The following OVOL2 variants were observed in gnomAD, a reference collection of about 807,000 sequenced individuals.
OVOL2 encodes the protein ovo like zinc finger 2, also known as transcription factor Ovo-like 2.
In OVOL2, 13 loss-of-function variants were observed where a neutral mutation model predicts 18.1. The observed-to-expected ratio is 0.72, with a 90% CI of 0.47 to 1.14. The LOEUF (loss-of-function observed/expected upper bound fraction) is 1.14, where lower values mean the gene tolerates loss of function less well. Among genes scored for constraint, OVOL2 ranks in the 50% most tolerant of loss-of-function variants. OVOL2 has a pLI of 0.00. For synonymous variants in OVOL2, 166 were observed against 162.7 expected, an observed-to-expected ratio of 1.02 and a Z score of -0.16; for missense variants, 335 against 383.0, an observed-to-expected ratio of 0.87 and a Z score of 1.05.
chr20:18,027,752 C>G (rs918864102), intron 3 of OVOL2, among the ~76,000 whole-genome samples: 1 of 151,694 alleles, frequency 6.6e-6, no homozygotes, highest in Admixed American at 6.6e-5. Context: ...CTCACCACCA[C>G]GCCCAGCTAA....
intron 2 of OVOL2, among the ~76,000 whole-genome samples, chr20:18,050,934 C>A (rs1429890826): frequency 6.6e-6 from 1 of 152,086 alleles, no homozygotes; most frequent in Non-Finnish European, 1.5e-5. Context: ...TACAGTGGAG[C>A]AGGGGGAGGA....
chr20:18,042,337 G>A (rs1158845467), intron 2 of OVOL2, among the ~76,000 whole-genome samples: 1 of 152,166 alleles, frequency 6.6e-6, no homozygotes, highest in Non-Finnish European at 1.5e-5. Flanking sequence ...CCCTCCAAAT[G>A]TCTTGTTGAA....
rs1449553928 is a variant in OVOL2 at position 18,057,486 on chromosome 20, C to T, written c.100+49G>A. ...AGCAGAGAAGACCCGCCACCCCTTC[C>T]CCCACCCCGGGAGCCCAGCGCCCAG... On this transcript the variant is annotated intron_variant, in intron 1 of 3. Coordinates refer to ENST00000278780, the MANE Select transcript of OVOL2 (RefSeq NM_021220.4). The surrounding 1 kb of genome is among the most constrained non-coding windows in gnomAD (Gnocchi z 6.3). 1 of 1,538,932 alleles carries T rather than the reference C, an allele frequency of 6.5e-7. No individual in the cohort carries two copies. The highest frequency in any genetic ancestry group is 2.0e-5 in the Admixed American group (1 of 50,502).
At chr20:18,036,334 CT>C (rs2036614651) in intron 3 of OVOL2, among the ~76,000 whole-genome samples, 1 of 152,088 alleles carries the variant, frequency 6.6e-6, no homozygotes, top group African/African-American at 2.4e-5. Context: ...TTTACACCTT[CT>C]TTTTTTGCAT....
rs915276080 is a variant in OVOL2 at position 18,057,313 on chromosome 20, C to T, written c.100+222G>A. On this transcript the variant is annotated intron_variant, in intron 1 of 3. Coordinates refer to ENST00000278780, the MANE Select transcript of OVOL2 (RefSeq NM_021220.4). The surrounding 1 kb of genome is among the most constrained non-coding windows in gnomAD (Gnocchi z 6.3). ...GCGCTGCAGCCAACGGTCCCGCCGC[C>T]GGGCAATTAGAGGCTCCCACTACGG... Among the ~76,000 whole-genome samples the T allele has an allele frequency of 3.3e-5, 5 of 152,198 alleles. No homozygotes were observed. The highest frequency in any genetic ancestry group is 7.3e-5 in the Non-Finnish European group (5 of 68,028).
intron 2 of OVOL2, among the ~76,000 whole-genome samples, chr20:18,047,250 C>T (rs1358367174): frequency 2.0e-5 from 3 of 152,278 alleles, no homozygotes; most frequent in African/African-American, 4.8e-5. Flanking sequence ...TGGTGGCTCA[C>T]GCCTGTAATC....
chr20:18,049,208 C>T lies in OVOL2; in HGVS notation c.321+7449G>A, dbSNP rs75930574. On this transcript the variant is annotated intron_variant, in intron 2 of 3. Transcript: ENST00000278780. ...TCTTCTTCTAGAAAACAGGACTCAG[C>T]GGCAGAACAAACCAATCATTGTCTC... 9.7e-3 allele frequency among the ~76,000 whole-genome samples: 1,478 copies of T among 152,270 alleles called. 31 individuals are homozygous for T. Among genetic ancestry groups the T allele is most frequent in the African/African-American group, 0.034 (1,413 of 41,540 alleles).
chr20:18,056,503 C>A lies in OVOL2; in HGVS notation c.321+154G>T, dbSNP rs543840175. The stretch of plus-strand genomic sequence containing the variant: ...GGACGCGCCGAGGCGCCCTGGCCGC[C>A]GCCCAGGGGCAGGTGCAGGAGCGGC... On this transcript the variant is annotated intron_variant, in intron 2 of 3. Coordinates refer to ENST00000278780, the MANE Select transcript of OVOL2 (RefSeq NM_021220.4). This position sits in a 1 kb window ranked among gnomAD's most constrained non-coding sequence, Gnocchi z 4.2. Among the ~76,000 whole-genome samples, 156 of 150,578 alleles carry A rather than the reference C, an allele frequency of 1.0e-3. No homozygotes were observed. The Middle Eastern group carries it at 0.014, about 13-fold the overall frequency.
At chr20:18,057,971 C>T (rs1600457127), upstream of OVOL2, 1 of 936,350 alleles carries the variant, frequency 1.1e-6, no homozygotes, top group Non-Finnish European at 1.3e-6. This position sits in a 1 kb window ranked among gnomAD's most constrained non-coding sequence, Gnocchi z 6.3. Context: ...GCTACCTGTC[C>T]GACCGGTTCC....
At chr20:18,051,928 C>T (rs1287302460) in intron 2 of OVOL2, among the ~76,000 whole-genome samples, 6 of 151,968 alleles carry the variant, frequency 3.9e-5, no homozygotes, top group Non-Finnish European at 1.5e-5. Flanking sequence ...TTAATAGAGT[C>T]GGGGTTTCAA....
chr20:18,030,113 G>A (rs1031710286), intron 3 of OVOL2, among the ~76,000 whole-genome samples: 1 of 152,200 alleles, frequency 6.6e-6, no homozygotes, highest in African/African-American at 2.4e-5. Context: ...ACATCTTTGG[G>A]ACTAGTTTTC....
intron 2 of OVOL2, among the ~76,000 whole-genome samples, chr20:18,047,061 C>G (rs2036729299): frequency 6.6e-6 from 1 of 152,128 alleles, no homozygotes; most frequent in Admixed American, 6.5e-5. Flanking sequence ...ATCTCTTCAG[C>G]AGTATAAGAA....
chr20:18,042,830 C>T (rs920809501), intron 2 of OVOL2, among the ~76,000 whole-genome samples: 2 of 151,600 alleles, frequency 1.3e-5, no homozygotes, highest in African/African-American at 2.4e-5. Flanking sequence ...CTTGCTTCCT[C>T]CCTCACCATA....
rs1307235435 is a variant in OVOL2 at position 18,024,944 on chromosome 20, G to A, written c.520C>T (p.Pro174Ser). ...TTATTGCAGACGTTGCATTTGTAGGGACGAATGCCTGAAAGGATGAGGGAC... is the reference window on the plus strand; with the variant it reads ...TTATTGCAGACGTTGCATTTGTAGGAACGAATGCCTGAAAGGATGAGGGAC... ...RHVRTHTGIRPYKCNVCNKAF... is the reference protein window; with the variant it reads ...RHVRTHTGIRSYKCNVCNKAF... The change falls in exon 4 of 4, where the codon CCC (proline) becomes TCC (serine). Residue 174 changes from proline to serine, a missense_variant. By Grantham distance (74) the Pro-to-Ser change is moderately conservative. Coordinates refer to ENST00000278780, the MANE Select transcript of OVOL2 (RefSeq NM_021220.4). 1.2e-6 allele frequency: 2 copies of A among 1,608,586 alleles called. No homozygotes were observed. Among genetic ancestry groups the A allele is most frequent in the South Asian group, 1.1e-5 (1 of 90,932 alleles).
intron 3 of OVOL2, among the ~76,000 whole-genome samples, chr20:18,031,436 G>A (rs2036569569): frequency 6.6e-6 from 1 of 152,148 alleles, no homozygotes; most frequent in Non-Finnish European, 1.5e-5. Context: ...ATTTAGCCGG[G>A]CATGGTGGCG....
chr20:18,058,142 G>C (rs1361204292), upstream of OVOL2, among the ~76,000 whole-genome samples: 1 of 152,078 alleles, frequency 6.6e-6, no homozygotes, highest in Non-Finnish European at 1.5e-5. Context: ...CGAGCTCTTC[G>C]AGGTAAACCC....
intron 3 of OVOL2, among the ~76,000 whole-genome samples, chr20:18,034,647 TCTCTCA>T (rs2036599219): frequency 2.0e-5 from 3 of 150,986 alleles, no homozygotes; most frequent in Admixed American, 6.6e-5. Context: ...TCTCTCTCTC[TCTCTCA>T]CACACACACA....
At chr20:18,037,240 A>G (rs1651059317) in intron 3 of OVOL2, among the ~76,000 whole-genome samples, 1 of 152,104 alleles carries the variant, frequency 6.6e-6, no homozygotes, top group African/African-American at 2.4e-5. Context: ...GAGGGCAGAG[A>G]AGGAGACCCT....
intron 3 of OVOL2, among the ~76,000 whole-genome samples, chr20:18,030,621 C>T (rs970329930): frequency 6.6e-6 from 1 of 152,174 alleles, no homozygotes; most frequent in African/African-American, 2.4e-5. Flanking sequence ...CTAGAAGATT[C>T]CAAAGCCCTG....
Sources: gnomAD v4.1 joint callset for allele counts (sites outside exome capture counted in the v4.1 genomes callset) on GRCh38, gnomAD v4.1.1 for gene constraint, Gnocchi (gnomAD v3.1) non-coding constraint, MANE v1.5 for transcripts, NCBI Gene and HGNC (gene_info 2026-07-23, HGNC 2026-07-21) for gene names.